The following RAF1 variants were observed in gnomAD, a reference collection of about 807,000 sequenced individuals.
RAF1 encodes Raf-1 proto-oncogene, serine/threonine kinase.
A neutral mutation model predicts 81.1 loss-of-function variants in RAF1; 27 were observed. The observed-to-expected ratio is 0.33, with a 90% CI of 0.25 to 0.46. The LOEUF is 0.46. Among genes scored for constraint, RAF1 ranks in the 20% least tolerant of loss-of-function variants. RAF1 has a pLI of 1.00. For synonymous variants in RAF1, 298 were observed against 294.0 expected (o/e 1.01, Z -0.14); for missense variants, 598 against 826.0 (o/e 0.72, Z 3.38).
chr3:12,647,165 G>A (rs1332467190), intron 1 of RAF1, among the ~76,000 whole-genome samples: 5 of 152,010 alleles, frequency 3.3e-5, no homozygotes, highest in East Asian at 2.0e-4. Flanking sequence ...GTGTGGTGGC[G>A]GGCACCTGCA....
rs778544304 is a variant in RAF1 at position 12,583,981 on chromosome 3, T to C, written c.*533A>G. On this transcript the variant is annotated 3_prime_UTR_variant, in exon 18 of 18. Transcript: ENST00000442415. ...GACGTGTCCCCTAAGAAAAGTTCCA[T>C]AGTACCAAAGCAGGCTCCTTCGGGC... 9 of 247,000 alleles carry C rather than the reference T, an allele frequency of 3.6e-5. No individual in the cohort carries two copies. The highest frequency in any genetic ancestry group is 5.7e-5 in the East Asian group (1 of 17,552). The allele number at this position is 247,000 out of a possible 1,614,324, so 15.3% of individuals were successfully genotyped here.
At chr3:12,587,057 C>A (rs995628598) in intron 14 of RAF1, 1 of 153,910 alleles carries the variant, frequency 6.5e-6, no homozygotes, top group Non-Finnish European at 1.4e-5. Context: ...TCTCAAACTC[C>A]TAGCCTCAAG....
chr3:12,607,639 C>T (rs1396212359), intron 5 of RAF1, among the ~76,000 whole-genome samples: 1 of 151,422 alleles, frequency 6.6e-6, no homozygotes, highest in Admixed American at 6.6e-5. Flanking sequence ...CAGAGCGAGA[C>T]CCTGTCTTTA....
rs775405345 is a variant in RAF1, at chr3:12,584,485, T to TG, written c.*28dup. ...TGCCTGCTGGCTTCTCCTCCTCCCCTGGCAGCCTGAAGACAGGTGCAAAGT... is the reference window on the plus strand; with the variant it reads ...TGCCTGCTGGCTTCTCCTCCTCCCCTGGGCAGCCTGAAGACAGGTGCAAAGT... On this transcript the variant is annotated 3_prime_UTR_variant, in exon 18 of 18. Transcript: ENST00000442415. 1 of 1,614,098 alleles carries TG rather than the reference T, an allele frequency of 6.2e-7. No individual in the cohort carries two copies. The highest frequency in any genetic ancestry group is 1.7e-5 in the Admixed American group (1 of 60,022).
chr3:12,613,060 G>A (rs1217699890), intron 2 of RAF1, among the ~76,000 whole-genome samples: 1 of 152,084 alleles, frequency 6.6e-6, no homozygotes, highest in Admixed American at 6.6e-5. Context: ...TTAAATATAT[G>A]TGCACACCAT....
chr3:12,644,790 A>G (rs1272633350), intron 1 of RAF1, among the ~76,000 whole-genome samples: 1 of 152,098 alleles, frequency 6.6e-6, no homozygotes, highest in South Asian at 2.1e-4. Flanking sequence ...TTCCTCAAAT[A>G]CTATATTTCA....
chr3:12,645,336 T>C (rs188857846), intron 1 of RAF1, among the ~76,000 whole-genome samples: 2 of 152,252 alleles, frequency 1.3e-5, no homozygotes, highest in South Asian at 2.1e-4. Flanking sequence ...ACAGAACTGT[T>C]AGAATTAAGC....
chr3:12,651,327 A>G (rs1440034922), intron 1 of RAF1, among the ~76,000 whole-genome samples: 1 of 152,186 alleles, frequency 6.6e-6, no homozygotes, highest in African/African-American at 2.4e-5. Context: ...TCTTTTCCCA[A>G]TAATTTTTTA....
chr3:12,587,511 C>T (rs2125331672), intron 14 of RAF1, 80 bp downstream of exon 13: 9 of 1,313,036 alleles, frequency 6.9e-6, no homozygotes, highest in Non-Finnish European at 9.9e-6. Context: ...CACCGAGAGC[C>T]ACTTGTGATA....
chr3:12,624,040 A>G (rs1472313200), intron 1 of RAF1, among the ~76,000 whole-genome samples: 1 of 151,746 alleles, frequency 6.6e-6, no homozygotes, highest in Admixed American at 6.6e-5. Flanking sequence ...TTTTTAGTAG[A>G]GACAGGGTTT....
intron 11 of RAF1, among the ~76,000 whole-genome samples, chr3:12,596,359 A>G (rs1485115868): frequency 6.6e-6 from 1 of 151,838 alleles, no homozygotes; most frequent in Non-Finnish European, 1.5e-5. Flanking sequence ...ACACCCGGCT[A>G]ATTTTTTTAT....
intron 1 of RAF1, among the ~76,000 whole-genome samples, chr3:12,662,548 CAA>C (rs944348662): frequency 1.3e-5 from 2 of 152,054 alleles, no homozygotes; most frequent in African/African-American, 2.4e-5. Flanking sequence ...CTATCTACAA[CAA>C]AGACAGCCCC....
At chr3:12,649,831 A>C (rs1028505865) in intron 1 of RAF1, among the ~76,000 whole-genome samples, 3 of 151,700 alleles carry the variant, frequency 2.0e-5, no homozygotes, top group Admixed American at 2.0e-4. Context: ...GGGAACATCA[A>C]CTCTACAAAA....
intron 1 of RAF1, among the ~76,000 whole-genome samples, chr3:12,663,486 G>A (rs765320883): frequency 2.0e-5 from 3 of 152,230 alleles, no homozygotes; most frequent in Non-Finnish European, 4.4e-5. Flanking sequence ...CCATCCAAGT[G>A]ACAACAGATA....
intron 2 of RAF1, 131 bp from the exon 3 acceptor site, chr3:12,612,193 T>C (rs1265916328): frequency 2.8e-6 from 2 of 725,362 alleles, no homozygotes; most frequent in Non-Finnish European, 5.0e-6. Context: ...CGAAACAACC[T>C]GAATGTCCAG....
intron 8 of RAF1, 148 bp from the exon 8 acceptor site, chr3:12,600,563 G>A (rs557024108): frequency 1.0e-5 from 9 of 871,436 alleles, no homozygotes; most frequent in Admixed American, 2.5e-5. Context: ...TCTAATCAAC[G>A]TTCCTTGATT....
chr3:12,608,779 T>C lies in RAF1; in HGVS notation c.568A>G (p.Ile190Val), dbSNP rs747545673. ...ACAATGCCTTACAAGAGTTGTCTGA[T>C]GTTACTCCAGTCCACACACATAGTA... The change falls in exon 5 of 18, where the codon ATC (isoleucine) becomes GTC (valine). Residue 190 changes from isoleucine (I) to valine (V), a missense_variant. By Grantham distance (29) the Ile-to-Val change is conservative. Around this residue, in one of 5 missense-constraint regions of RAF1, gnomAD observed 89 missense variants for 169.2 expected, o/e 0.53. Transcript: ENST00000442415. 15 of 1,614,076 alleles carry C rather than the reference T, an allele frequency of 9.3e-6. No homozygotes were observed. The South Asian group carries it at 1.6e-4, about 18-fold the overall frequency.
chr3:12,606,769 T>C (rs1166026104), intron 5 of RAF1, among the ~76,000 whole-genome samples: 6 of 152,294 alleles, frequency 3.9e-5, no homozygotes, highest in Non-Finnish European at 8.8e-5. Context: ...GTTTGTTACA[T>C]AGGTATACAT....
At chr3:12,642,773 C>T (rs2060233266) in intron 1 of RAF1, among the ~76,000 whole-genome samples, 1 of 148,470 alleles carries the variant, frequency 6.7e-6, no homozygotes, top group Non-Finnish European at 1.5e-5. Flanking sequence ...TGGGGCAGGG[C>T]CAGGGGGTGG....
Sources: allele counts gnomAD v4.1 joint callset (sites outside exome capture counted in the v4.1 genomes callset), GRCh38; gene constraint gnomAD v4.1.1; regional missense constraint gnomAD v4.1.1; transcripts MANE v1.5; gene names NCBI Gene and HGNC (gene_info 2026-07-23, HGNC 2026-07-21).